The following LRBA variants were observed in gnomAD, a reference collection of about 807,000 sequenced individuals.
LRBA encodes lipopolysaccharide-responsive and beige-like anchor protein.
A neutral mutation model predicts 330.0 loss-of-function variants in LRBA; 176 were observed. That is an observed-to-expected ratio of 0.53 (90% CI 0.47 to 0.60). The LOEUF (loss-of-function observed/expected upper bound fraction) is 0.60, where lower values mean the gene tolerates loss of function less well. Ranked by LOEUF, LRBA falls within the 20% of genes least tolerant of loss-of-function variation. The pLI is 0.00. For missense variants in LRBA, 3,259 were observed against 3,444.8 expected (o/e 0.95, Z 1.35); for synonymous variants, 1,230 against 1,193.0 (o/e 1.03, Z -0.64).
intron 28 of LRBA, among the ~76,000 whole-genome samples, chr4:150,838,275 T>C (rs1468428105): frequency 6.6e-6 from 1 of 152,090 alleles, no homozygotes; most frequent in African/African-American, 2.4e-5. Context: ...TGTCTTGGAG[T>C]TGCTCTTCTC....
chr4:150,597,169 A>C (rs1485033086), intron 38 of LRBA: 1 of 867,070 alleles, frequency 1.2e-6, no homozygotes, highest in Non-Finnish European at 1.8e-6. Context: ...ATCGAGAGTA[A>C]TCAGAGTGAA....
intron 28 of LRBA, among the ~76,000 whole-genome samples, chr4:150,843,325 GA>G (rs1228261631): frequency 6.6e-6 from 1 of 152,070 alleles, no homozygotes; most frequent in Non-Finnish European, 1.5e-5. Flanking sequence ...ATTGAGGTTA[GA>G]AAGTTTGTAA....
At chr4:150,869,510 G>A (rs764920935) in intron 20 of LRBA, among the ~76,000 whole-genome samples, 23 of 151,894 alleles carry the variant, frequency 1.5e-4, no homozygotes, top group Non-Finnish European at 2.2e-4. Flanking sequence ...CCAACATGGC[G>A]AAATCCCATC....
chr4:150,993,364 T>C (rs1159782837), intron 2 of LRBA, among the ~76,000 whole-genome samples: 5 of 152,164 alleles, frequency 3.3e-5, no homozygotes, highest in Non-Finnish European at 2.9e-5. Flanking sequence ...ATTTAAATAC[T>C]GCATCGCCAA....
At chr4:150,647,128 A>G (rs1343505968) in intron 37 of LRBA, among the ~76,000 whole-genome samples, 1 of 151,932 alleles carries the variant, frequency 6.6e-6, no homozygotes, top group Admixed American at 6.6e-5. Flanking sequence ...ATATTTTTCC[A>G]TCACATATAA....
chr4:150,286,275 G>C (rs112989636), intron 53 of LRBA, among the ~76,000 whole-genome samples: 37 of 152,112 alleles, frequency 2.4e-4, no homozygotes, highest in Non-Finnish European at 3.2e-4. Flanking sequence ...GAAAACTCAG[G>C]GTTAAATACA....
At position 150,265,079 on chromosome 4, in the gene LRBA, G is replaced by GTAAC. The variant is rs899137593; in HGVS notation, c.*639_*642dup. The GTAAC allele has an allele frequency of 1.3e-5, 2 of 152,674 alleles. No individual in the cohort carries two copies. Among genetic ancestry groups the GTAAC allele is most frequent in the Non-Finnish European group, 1.5e-5 (1 of 68,070 alleles). 9.5% of individuals were successfully genotyped at this position (152,674 alleles called of 1,614,324 possible). On this transcript the variant is annotated 3_prime_UTR_variant, in exon 57 of 57. Coordinates refer to ENST00000651943, the MANE Select transcript of LRBA (RefSeq NM_001364905.1). ...GAAGATGACAGATCAGGAAAAAATG[G>GTAAC]TAACTATTTCACACTTGCTATAAAT...
chr4:150,615,864 G>A (rs1257729485), intron 37 of LRBA, among the ~76,000 whole-genome samples: 13 of 151,862 alleles, frequency 8.6e-5, no homozygotes, highest in Non-Finnish European at 2.9e-5. Flanking sequence ...TTCCAAACCC[G>A]GCCAATAAAA....
chr4:150,486,384 T>C (rs1325313253), intron 42 of LRBA, among the ~76,000 whole-genome samples: 5 of 151,802 alleles, frequency 3.3e-5, no homozygotes, highest in African/African-American at 1.2e-4. Flanking sequence ...CAAGGTAGCA[T>C]ATTTTTTATT....
At chr4:150,363,327 C>G (rs1386600055) in intron 47 of LRBA, among the ~76,000 whole-genome samples, 1 of 152,210 alleles carries the variant, frequency 6.6e-6, no homozygotes, top group East Asian at 1.9e-4. Context: ...CAACCTTCCC[C>G]AGAAACAGAA....
chr4:150,510,218 A>C (rs1367914568), intron 40 of LRBA, among the ~76,000 whole-genome samples: 1 of 152,234 alleles, frequency 6.6e-6, no homozygotes, highest in Admixed American at 6.5e-5. Context: ...ATATCTAATA[A>C]AGAAGTTAAA....
At chr4:150,901,018 C>T (rs1730662359) in intron 13 of LRBA, among the ~76,000 whole-genome samples, 1 of 152,096 alleles carries the variant, frequency 6.6e-6, no homozygotes, top group South Asian at 2.1e-4. Context: ...AAAAAATTGG[C>T]CCACCCCAGT....
intron 2 of LRBA, among the ~76,000 whole-genome samples, chr4:150,930,708 G>A (rs1325718362): frequency 6.6e-6 from 1 of 152,194 alleles, no homozygotes; most frequent in Non-Finnish European, 1.5e-5. Flanking sequence ...GTGAGGATCT[G>A]TACCTGCATG....
At chr4:150,887,114 A>C (rs1470271203) in intron 17 of LRBA, among the ~76,000 whole-genome samples, 1 of 152,220 alleles carries the variant, frequency 6.6e-6, no homozygotes, top group Non-Finnish European at 1.5e-5. Flanking sequence ...AATTATTGTC[A>C]ATTTAAAATA....
chr4:150,505,119 C>T (rs1469200312), intron 40 of LRBA, among the ~76,000 whole-genome samples: 2 of 152,076 alleles, frequency 1.3e-5, no homozygotes, highest in Non-Finnish European at 1.5e-5. Context: ...TCCCACACAA[C>T]AATAATAATG....
intron 2 of LRBA, among the ~76,000 whole-genome samples, chr4:150,953,284 A>C (rs1279283445): frequency 6.6e-6 from 1 of 152,188 alleles, no homozygotes; most frequent in Non-Finnish European, 1.5e-5. Flanking sequence ...TAGGATATTT[A>C]TTCTCCAGGA....
intron 40 of LRBA, among the ~76,000 whole-genome samples, chr4:150,572,419 A>G (rs976470061): frequency 2.0e-5 from 3 of 152,172 alleles, no homozygotes; most frequent in Non-Finnish European, 4.4e-5. Context: ...CTTTGATTAA[A>G]TAAGGAGCTA....
At chr4:150,391,337 A>G (rs1743894628) in intron 47 of LRBA, among the ~76,000 whole-genome samples, 1 of 152,176 alleles carries the variant, frequency 6.6e-6, no homozygotes, top group Non-Finnish European at 1.5e-5. Context: ...GAAACTTTCC[A>G]TGTCCATTTA....
chr4:150,851,747 A>G, intron 23 of LRBA, 138 bp downstream of exon 23: 1 of 867,220 alleles, frequency 1.2e-6, no homozygotes, highest in Non-Finnish European at 1.6e-6. Flanking sequence ...CTGAAATACA[A>G]TCTTCACATT....
Sources: gnomAD v4.1 joint callset for allele counts (sites outside exome capture counted in the v4.1 genomes callset) on GRCh38, gnomAD v4.1.1 for gene constraint, MANE v1.5 for transcripts, NCBI Gene and HGNC (gene_info 2026-07-23, HGNC 2026-07-21) for gene names.